The following FGGY variants were observed in gnomAD, a reference collection of about 807,000 sequenced individuals.
FGGY encodes the protein FGGY carbohydrate kinase domain containing, also known as FGGY carbohydrate kinase domain-containing protein.
Under a neutral mutation model 71.3 loss-of-function variants are expected in FGGY, and 72 were observed. The ratio of observed to expected loss-of-function variants is 1.01; its 90% CI spans 0.84 to 1.23. The LOEUF (loss-of-function observed/expected upper bound fraction) is 1.23. FGGY is among the 50% of genes most tolerant of loss of function. The pLI is 0.00. For missense variants in FGGY, 668 were observed against 682.3 expected (o/e 0.98, Z 0.23); for synonymous variants, 251 against 250.3 (o/e 1.00, Z -0.02).
intron 6 of FGGY, among the ~76,000 whole-genome samples, chr1:59,491,049 T>TTCCTTTCCTTTCCTTTCCCTCCCTCCCTC: frequency 6.2e-4 from 1 of 1,618 alleles, no homozygotes; most frequent in Non-Finnish European, 9.7e-4. Context: ...CTTCCTTCCT[T>TTCCTTTCCTTTCCTTTCCCTCCCTCCCTC]CCTTCCTTCC....
intron 14 of FGGY, among the ~76,000 whole-genome samples, chr1:59,684,071 C>T (rs2097526102): frequency 6.6e-6 from 1 of 152,120 alleles, no homozygotes; most frequent in African/African-American, 2.4e-5. Context: ...TAAGCCAAGG[C>T]TCATCAGCAC....
At chr1:59,738,052 C>T (rs1427632329) in intron 14 of FGGY, among the ~76,000 whole-genome samples, 1 of 152,182 alleles carries the variant, frequency 6.6e-6, no homozygotes, top group Admixed American at 6.5e-5. Context: ...CTCCTGAGTC[C>T]TCAGAATCAA....
chr1:59,754,388 T>TG (rs1558998244), intron 14 of FGGY, among the ~76,000 whole-genome samples: 1 of 152,162 alleles, frequency 6.6e-6, no homozygotes, highest in African/African-American at 2.4e-5. Flanking sequence ...TCCTTTTTTT[T>TG]TTGTTGTTTG....
intron 6 of FGGY, among the ~76,000 whole-genome samples, chr1:59,467,507 AC>A (rs1193461912): frequency 6.6e-6 from 1 of 152,004 alleles, no homozygotes; most frequent in Non-Finnish European, 1.5e-5. Context: ...TAAAAAAAAA[AC>A]ATACAAACCT....
chr1:59,370,044 A>G (rs1267180850), intron 4 of FGGY, among the ~76,000 whole-genome samples: 1 of 152,244 alleles, frequency 6.6e-6, no homozygotes, highest in African/African-American at 2.4e-5. Flanking sequence ...CTCACCAGCA[A>G]TGGAACAAAG....
At chr1:59,369,804 G>C (rs972758144) in intron 4 of FGGY, among the ~76,000 whole-genome samples, 1 of 152,200 alleles carries the variant, frequency 6.6e-6, no homozygotes, top group African/African-American at 2.4e-5. Flanking sequence ...AGGCAAACAG[G>C]GTCTGGAGTG....
rs1165810519 is a variant in FGGY, at chr1:59,734,731, G to A, written c.1513-23200G>A. Among the ~76,000 whole-genome samples, 5 of 152,184 alleles carry A rather than the reference G, an allele frequency of 3.3e-5. No homozygotes were observed. The East Asian group carries it at 9.7e-4, about 29-fold the overall frequency. ...GAAGCAGCCCCTGGGGGAGGGGATG[G>A]CCCTGGTCCCTCTGACTCTGACAGG... is the stretch of plus-strand genomic sequence containing the variant. On this transcript the variant is annotated intron_variant, in intron 14 of 15. Coordinates refer to ENST00000303721, the MANE Select transcript of FGGY (RefSeq NM_018291.5).
chr1:59,684,814 A>C (rs754947840), intron 14 of FGGY, among the ~76,000 whole-genome samples: 7 of 152,124 alleles, frequency 4.6e-5, no homozygotes, highest in Non-Finnish European at 5.9e-5. Flanking sequence ...CAAGCTACTT[A>C]ATTTCTCTGA....
chr1:59,737,805 G>A (rs889625499), intron 14 of FGGY, among the ~76,000 whole-genome samples: 6 of 152,176 alleles, frequency 3.9e-5, no homozygotes, highest in Non-Finnish European at 5.9e-5. Flanking sequence ...CTTTTGGGAA[G>A]GCATGATTAG....
At chr1:59,684,068 A>C (rs1483327591) in intron 14 of FGGY, among the ~76,000 whole-genome samples, 3 of 152,164 alleles carry the variant, frequency 2.0e-5, no homozygotes, top group Non-Finnish European at 4.4e-5. Flanking sequence ...TTTTAAGCCA[A>C]GGCTCATCAG....
intron 6 of FGGY, among the ~76,000 whole-genome samples, chr1:59,485,701 G>C (rs955797056): frequency 1.3e-5 from 2 of 152,122 alleles, no homozygotes; most frequent in Non-Finnish European, 2.9e-5. Flanking sequence ...TTAAATTAAG[G>C]TAGTAAGTTT....
chr1:59,544,692 A>G (rs970252813), intron 7 of FGGY, among the ~76,000 whole-genome samples: 11 of 152,342 alleles, frequency 7.2e-5, no homozygotes, highest in Middle Eastern at 3.4e-3. Context: ...TCCACCTTAC[A>G]AGTGAGAAAA....
chr1:59,615,597 A>G (rs149903403), intron 9 of FGGY, among the ~76,000 whole-genome samples: 4,126 of 152,348 alleles, frequency 0.027, 199 homozygotes, highest in African/African-American at 0.093. Context: ...CAAGGACTTC[A>G]TGACTAAAAC....
At chr1:59,639,375 A>G (rs1396463099) in intron 11 of FGGY, among the ~76,000 whole-genome samples, 1 of 152,198 alleles carries the variant, frequency 6.6e-6, no homozygotes, top group African/African-American at 2.4e-5. Context: ...CTATTACTAA[A>G]AGGGAGTCAT....
chr1:59,594,761 A>G (rs1312994939), intron 8 of FGGY, among the ~76,000 whole-genome samples: 1 of 152,230 alleles, frequency 6.6e-6, no homozygotes, highest in African/African-American at 2.4e-5. Context: ...CTATGCACAG[A>G]GGGTATCAAC....
chr1:59,591,673 AAACAAGC>A (rs1308834266), intron 8 of FGGY, among the ~76,000 whole-genome samples: 3 of 152,210 alleles, frequency 2.0e-5, no homozygotes, highest in African/African-American at 7.2e-5. Flanking sequence ...TACCTGAGAA[AAACAAGC>A]AATGGGGAAA....
At chr1:59,424,242 T>C (rs182625583) in intron 5 of FGGY, among the ~76,000 whole-genome samples, 1 of 152,238 alleles carries the variant, frequency 6.6e-6, no homozygotes, top group African/African-American at 2.4e-5. Flanking sequence ...ATTTGAGAAG[T>C]AGAATTAATA....
chr1:59,717,102 G>A (rs2097850972), intron 14 of FGGY, among the ~76,000 whole-genome samples: 1 of 152,120 alleles, frequency 6.6e-6, no homozygotes, highest in Non-Finnish European at 1.5e-5. Context: ...GTATCATCCT[G>A]TTTTACAGAT....
chr1:59,444,550 A>G (rs6687627), intron 5 of FGGY, among the ~76,000 whole-genome samples: 77,108 of 151,844 alleles, frequency 0.51, 20,016 homozygotes, highest in Middle Eastern at 0.58. Context: ...GTTAACAATA[A>G]TGTATTATAC....
Sources: allele counts gnomAD v4.1 joint callset (sites outside exome capture counted in the v4.1 genomes callset), GRCh38; gene constraint gnomAD v4.1.1; transcripts MANE v1.5; gene names NCBI Gene and HGNC (gene_info 2026-07-23, HGNC 2026-07-21).